The following ZBTB16 variants were observed in gnomAD, a reference collection of about 807,000 sequenced individuals.
The protein encoded by ZBTB16 is zinc finger and BTB domain-containing protein 16.
A neutral mutation model predicts 56.8 loss-of-function variants in ZBTB16; 8 were observed. The observed-to-expected ratio is 0.14, with a 90% CI of 0.08 to 0.25. The LOEUF (loss-of-function observed/expected upper bound fraction) is 0.25, where lower values mean the gene tolerates loss of function less well. Among genes scored for constraint, ZBTB16 ranks in the 10% least tolerant of loss-of-function variants. ZBTB16 has a pLI of 1.00. For missense variants in ZBTB16, 625 were observed against 903.0 expected, an observed-to-expected ratio of 0.69 and a Z score of 3.95; for synonymous variants, 363 against 368.5, an observed-to-expected ratio of 0.98 and a Z score of 0.17.
chr11:114,211,955 G>T (rs1335480435), intron 4 of ZBTB16, among the ~76,000 whole-genome samples: 1 of 152,220 alleles, frequency 6.6e-6, no homozygotes, highest in African/African-American at 2.4e-5. Context: ...CAACGCTGGG[G>T]CGAGGGCAGG....
At chr11:114,075,630 T>TATATATATATATATATATATATATATAG in intron 2 of ZBTB16, among the ~76,000 whole-genome samples, 1 of 15,272 alleles carries the variant, frequency 6.5e-5, no homozygotes, top group African/African-American at 1.5e-4. Flanking sequence ...CTAATTTTTG[T>TATATATATATATATATATATATATATAG]ATATATATAT....
chr11:114,148,419 C>CT lies in ZBTB16; in HGVS notation c.1269-7918_1269-7917insT, dbSNP rs1565651787. Among the ~76,000 whole-genome samples, 35 of 16,034 alleles carry CT rather than the reference C, an allele frequency of 2.2e-3. 1 individual carries two copies. Among genetic ancestry groups the CT allele is most frequent in the South Asian group, 4.2e-3 (2 of 480 alleles). The allele number at this position is 16,034 out of a possible 152,430, so 10.5% of individuals were successfully genotyped here. A position where few individuals can be genotyped will look rare whatever the true frequency, so the allele number is the denominator to read the frequency against. ...TCCCTCCCTCCCTCCCTCCCTCCCT[C>CT]CCTCCCTCTCTCTCTCTTTCTCTCT... On this transcript the variant is annotated intron_variant, in intron 2 of 6. Coordinates refer to ENST00000335953, the MANE Select transcript of ZBTB16 (RefSeq NM_006006.6).
intron 4 of ZBTB16, among the ~76,000 whole-genome samples, chr11:114,194,413 G>T (rs1943562801): frequency 6.6e-6 from 1 of 152,100 alleles, no homozygotes; most frequent in African/African-American, 2.4e-5. Flanking sequence ...CTTGCCCCCT[G>T]CCCTCAAGAT....
Position 114,063,505 on chromosome 11 carries a change from C to A in ZBTB16, c.205C>A (p.His69Asn), listed in dbSNP as rs1435197148. ...GATCCTCTTCCACCGCAATAGTCAA[C>A]ACTATACTTTGGACTTCCTCTCGCC... is the stretch of plus-strand genomic sequence containing the variant. ...FEILFHRNSQ[H>N]YTLDFLSPKT... Residue 69 changes from histidine to asparagine, a missense_variant, in exon 2 of 7, where the codon CAC becomes AAC. This residue lies in a region of ZBTB16 where 54 missense variants were observed against 159.4 expected (regional missense o/e 0.34). Coordinates refer to ENST00000335953, the MANE Select transcript of ZBTB16 (RefSeq NM_006006.6). The surrounding 1 kb of genome is among the most constrained non-coding windows in gnomAD (Gnocchi z 6.5). 6.8e-6 allele frequency: 11 copies of A among 1,614,240 alleles called. No homozygotes were observed. The highest frequency in any genetic ancestry group is 8.5e-6 in the Non-Finnish European group (10 of 1,180,050).
chr11:114,111,935 T>G (rs1057440520), intron 2 of ZBTB16, among the ~76,000 whole-genome samples: 1 of 152,228 alleles, frequency 6.6e-6, no homozygotes, highest in Non-Finnish European at 1.5e-5. Context: ...TTAAACATTT[T>G]TTTTTTGAGG....
At chr11:114,086,836 G>C (rs780207745) in intron 2 of ZBTB16, among the ~76,000 whole-genome samples, 1 of 152,130 alleles carries the variant, frequency 6.6e-6, no homozygotes, top group Non-Finnish European at 1.5e-5. Flanking sequence ...CACTGTATTA[G>C]GTTGGTGCAA....
chr11:114,252,924 G>A lies in ZBTB16; in HGVS notation c.*2369G>A, dbSNP rs543908191. ...TGGATTAGGGATGGTAAAGTAGGGAGGATGCTATTTTGCAACTATAGTAAC... is the reference window on the plus strand; with the variant it reads ...TGGATTAGGGATGGTAAAGTAGGGAAGATGCTATTTTGCAACTATAGTAAC... On this transcript the variant is annotated 3_prime_UTR_variant, in exon 7 of 7. Transcript: ENST00000335953. 1.6e-4 allele frequency among the ~76,000 whole-genome samples: 25 copies of A among 152,182 alleles called. No homozygotes were observed. Among genetic ancestry groups the A allele is most frequent in the Non-Finnish European group, 3.2e-4 (22 of 68,042 alleles).
intron 4 of ZBTB16, among the ~76,000 whole-genome samples, chr11:114,196,736 G>A (rs931069638): frequency 6.6e-6 from 1 of 152,182 alleles, no homozygotes; most frequent in Non-Finnish European, 1.5e-5. Context: ...GTGTTATGAA[G>A]GAAATGAGCA....
chr11:114,155,273 G>A (rs947342188), intron 2 of ZBTB16, among the ~76,000 whole-genome samples: 1 of 152,248 alleles, frequency 6.6e-6, no homozygotes, highest in Non-Finnish European at 1.5e-5. Flanking sequence ...AGACTGGGGC[G>A]GAGGTGGAGG....
intron 2 of ZBTB16, among the ~76,000 whole-genome samples, chr11:114,133,553 G>C (rs1279738604): frequency 2.6e-5 from 4 of 152,230 alleles, no homozygotes; most frequent in African/African-American, 9.6e-5. Flanking sequence ...TTCGGCTGAA[G>C]CCCTGGCACA....
chr11:114,206,731 T>C (rs868727150), intron 4 of ZBTB16, among the ~76,000 whole-genome samples: 4 of 152,354 alleles, frequency 2.6e-5, no homozygotes, highest in Non-Finnish European at 4.4e-5. Context: ...TCTAAAAAGA[T>C]AAGTAATAAA....
chr11:114,164,071 G>A (rs1049248702), intron 3 of ZBTB16, among the ~76,000 whole-genome samples: 1 of 152,160 alleles, frequency 6.6e-6, no homozygotes, highest in South Asian at 2.1e-4. Flanking sequence ...GATGGAGGAC[G>A]ATTGCGGCAG....
Position 114,095,462 on chromosome 11 carries a change from G to T in ZBTB16, c.1268+30894G>T, listed in dbSNP as rs139196790. ...TATTTAGTAGAGACGGGGTTTCACC[G>T]TGTTAGCCAGGATGGTCACAATCTC... On this transcript the variant is annotated intron_variant, in intron 2 of 6. Transcript: ENST00000335953. Among the ~76,000 whole-genome samples, 534 of 151,920 alleles carry T rather than the reference G, an allele frequency of 3.5e-3. 1 individual carries two copies. Among genetic ancestry groups the T allele is most frequent in the African/African-American group, 0.012 (487 of 41,432 alleles).
intron 4 of ZBTB16, among the ~76,000 whole-genome samples, chr11:114,234,905 C>T (rs402311): frequency 0.59 from 90,392 of 151,966 alleles, 28,415 homozygotes; most frequent in South Asian, 0.73. Context: ...AGAAGATGGG[C>T]GAAAGGAAAA....
At chr11:114,088,140 C>CTTTTTTTTT (rs10695166) in intron 2 of ZBTB16, among the ~76,000 whole-genome samples, 1 of 123,080 alleles carries the variant, frequency 8.1e-6, no homozygotes. Context: ...CCAGATACTT[C>CTTTTTTTTT]TTTTTTTTTT....
chr11:114,076,082 T>C (rs1591641964), intron 2 of ZBTB16, among the ~76,000 whole-genome samples: 1 of 152,016 alleles, frequency 6.6e-6, no homozygotes, highest in South Asian at 2.1e-4. Flanking sequence ...AGGCCCCTGG[T>C]GACAAAGGAG....
At chr11:114,151,392 G>A (rs1445480615) in intron 2 of ZBTB16, among the ~76,000 whole-genome samples, 3 of 152,184 alleles carry the variant, frequency 2.0e-5, no homozygotes, top group Non-Finnish European at 4.4e-5. Context: ...TCTTATAAAT[G>A]CCCTTACAGG....
intron 4 of ZBTB16, among the ~76,000 whole-genome samples, chr11:114,193,561 G>A (rs991848832): frequency 2.6e-5 from 4 of 152,184 alleles, no homozygotes; most frequent in African/African-American, 9.7e-5. Context: ...GCTGAACTCA[G>A]GTGGATTTTT....
chr11:114,164,842 T>G (rs1410814495), intron 3 of ZBTB16, among the ~76,000 whole-genome samples: 1 of 152,132 alleles, frequency 6.6e-6, no homozygotes, highest in Non-Finnish European at 1.5e-5. Context: ...GGCAGGTATT[T>G]ATTTTTCAGC....
Sources: gnomAD v4.1 joint callset for allele counts (sites outside exome capture counted in the v4.1 genomes callset) on GRCh38, gnomAD v4.1.1 for gene constraint, gnomAD v4.1.1 regional missense constraint, Gnocchi (gnomAD v3.1) non-coding constraint, MANE v1.5 for transcripts, NCBI Gene and HGNC (gene_info 2026-07-23, HGNC 2026-07-21) for gene names.